Variants in GPR174 observed in about 807,000 individuals in gnomAD.
GPR174 encodes the protein G protein-coupled receptor 174, also known as probable G protein-coupled receptor 174.
GPR174 carries 8 observed loss-of-function variants against 16.5 expected under a neutral mutation model. The ratio of observed to expected loss-of-function variants is 0.48; its 90% CI spans 0.28 to 0.87. GPR174 has a LOEUF of 0.87. GPR174 is among the 40% of genes least tolerant of loss of function. The pLI is 0.09. For missense variants in GPR174, 214 were observed against 247.5 expected (o/e 0.86, Z 0.91); for synonymous variants, 111 against 94.8 (o/e 1.17, Z -0.99).
At position 79,173,768 on chromosome X, in the gene GPR174, T is replaced by A. The variant is rs901800629; in HGVS notation, c.*1759T>A. 8.9e-6 allele frequency: 1 copy of A among 112,574 alleles called. No homozygotes were observed. Among genetic ancestry groups the A allele is most frequent in the Non-Finnish European group, 1.9e-5 (1 of 53,300 alleles). 9.3% of individuals were successfully genotyped at this position (112,574 alleles called of 1,213,427 possible). On this transcript the variant is annotated 3_prime_UTR_variant, in exon 3 of 3. Transcript: ENST00000645147. ...GTGTATCTATGTGTCTCCTAACTAA[T>A]CATTGTAAGGTATATGTTTTGATGT...
At chrX:79,160,547 T>C (rs1333632895) in intron 2 of GPR174, among the ~76,000 whole-genome samples, 1 of 111,879 alleles carries the variant, frequency 8.9e-6, no homozygotes, top group Non-Finnish European at 1.9e-5. Flanking sequence ...AGGATGTGTT[T>C]CTTGGGTAAC....
intron 1 of GPR174, among the ~76,000 whole-genome samples, chrX:79,150,812 A>G (rs1264746945): frequency 4.5e-5 from 5 of 111,687 alleles, no homozygotes; most frequent in Admixed American, 3.8e-4. Flanking sequence ...GCCTTTTCCT[A>G]TTCCCACATC....
chrX:79,150,705 A>G (rs1926584774), intron 1 of GPR174, among the ~76,000 whole-genome samples: 1 of 111,728 alleles, frequency 9.0e-6, no homozygotes, highest in Admixed American at 9.5e-5. Context: ...TTTAGATTGT[A>G]ACAATTTATT....
At chrX:79,152,596 C>T (rs1926623538) in intron 1 of GPR174, among the ~76,000 whole-genome samples, 1 of 111,775 alleles carries the variant, frequency 8.9e-6, no homozygotes, top group Admixed American at 9.5e-5. Flanking sequence ...CCTCCTCTGT[C>T]TGTGCTCCCT....
intron 2 of GPR174, among the ~76,000 whole-genome samples, chrX:79,158,454 T>G (rs941741134): frequency 9.7e-6 from 1 of 102,982 alleles, no homozygotes; most frequent in Non-Finnish European, 2.0e-5. Context: ...TTTTCTTTTT[T>G]TTTTTTTTGA....
intron 1 of GPR174, among the ~76,000 whole-genome samples, chrX:79,151,136 C>T (rs927641059): frequency 4.5e-5 from 5 of 111,137 alleles, no homozygotes; most frequent in African/African-American, 9.8e-5. Context: ...GTTTTTTGAG[C>T]TTATCTACTA....
rs1346984675 is a variant in GPR174, at chrX:79,156,839, G to A, written c.-636G>A. 1 of 111,837 alleles carries A rather than the reference G, an allele frequency of 8.9e-6. No homozygotes were observed. Among genetic ancestry groups the A allele is most frequent in the African/African-American group, 3.3e-5 (1 of 30,745 alleles). The allele number at this position is 111,837 out of a possible 1,213,427, so 9.2% of individuals were successfully genotyped here. A position where few individuals can be genotyped will look rare whatever the true frequency, so the allele number is the denominator to read the frequency against. On this transcript the variant is annotated 5_prime_UTR_variant, in exon 2 of 3. In the 5' UTR this introduces an upstream ATG that the reference lacks. Coordinates refer to ENST00000645147, the MANE Select transcript of GPR174 (RefSeq NM_032553.3). ...TTTTCAAGGCATGAATGAATTAATC[G>A]TGCCAGATTCTCCAACACTTCCTCA... is the stretch of plus-strand genomic sequence containing the variant.
In GPR174 at chrX:79,171,744, A is replaced by G; in HGVS notation, c.737A>G (p.Tyr246Cys). ...AGVFLICFAP[Y>C]HFSFPLDFLV... ...GTATTCCTAATTTGCTTTGCACCTT[A>G]TCATTTCAGTTTTCCTTTAGATTTC... The change falls in exon 3 of 3, where the codon TAT (tyrosine) becomes TGT (cysteine). Residue 246 changes from tyrosine (Y) to cysteine (C), a missense_variant. By Grantham distance (194) the Tyr-to-Cys change is radical. Coordinates refer to ENST00000645147, the MANE Select transcript of GPR174 (RefSeq NM_032553.3). 1 of 1,211,492 alleles carries G rather than the reference A, an allele frequency of 8.3e-7. No homozygotes were observed. The highest frequency in any genetic ancestry group is 1.1e-6 in the Non-Finnish European group (1 of 895,406).
At chrX:79,166,355 T>A (rs1226367811) in intron 2 of GPR174, among the ~76,000 whole-genome samples, 1 of 108,688 alleles carries the variant, frequency 9.2e-6, no homozygotes, top group Non-Finnish European at 1.9e-5. Context: ...GTCAACAAAA[T>A]GGAGCTGTAT....
intron 1 of GPR174, among the ~76,000 whole-genome samples, chrX:79,153,248 T>TCA (rs1440257050): frequency 9.0e-6 from 1 of 111,718 alleles, no homozygotes. Flanking sequence ...TTCTGTTGTG[T>TCA]CACTTCTGCT....
chrX:79,156,196 G>A (rs1449837580), intron 1 of GPR174, among the ~76,000 whole-genome samples: 1 of 111,897 alleles, frequency 8.9e-6, no homozygotes, highest in African/African-American at 3.3e-5. Context: ...ACAAGCTTGG[G>A]CAAGTGATCA....
chrX:79,155,495 G>A (rs1466596166), intron 1 of GPR174, among the ~76,000 whole-genome samples: 1 of 111,608 alleles, frequency 9.0e-6, no homozygotes, highest in African/African-American at 3.3e-5. Flanking sequence ...GAGTTTTAAT[G>A]TGTCTAGTAC....
At chrX:79,149,821 G>GTTT (rs34575264) in intron 1 of GPR174, among the ~76,000 whole-genome samples, 1,814 of 82,039 alleles carry the variant, frequency 0.022, 46 homozygotes, top group African/African-American at 0.043. Flanking sequence ...ACCTCCCTCA[G>GTTT]TTTTTTTTTT....
chrX:79,171,872 C>G lies in GPR174; in HGVS notation c.865C>G (p.Pro289Ala). The change falls in exon 3 of 3, where the codon CCA becomes GCA. Residue 289 changes from proline to alanine, a missense_variant. By Grantham distance (27) the Pro-to-Ala change is conservative. Transcript: ENST00000645147. ...CLASLNSCLD[P>A]VIYYFSTNEF... ...TGCTAGTCTGAATTCATGTCTTGAC[C>G]CAGTCATATACTACTTTTCCACTAA... The G allele has an allele frequency of 8.3e-7, 1 of 1,210,771 alleles. No individual in the cohort carries two copies. Among genetic ancestry groups the G allele is most frequent in the Non-Finnish European group, 1.1e-6 (1 of 895,182 alleles).
intron 1 of GPR174, among the ~76,000 whole-genome samples, chrX:79,154,598 T>A (rs1056443956): frequency 3.6e-5 from 4 of 111,099 alleles, no homozygotes; most frequent in African/African-American, 1.3e-4. Flanking sequence ...ACACAGGGAT[T>A]CTTTGTATAT....
rs1168433337 is a variant in GPR174 at position 79,175,244 on chromosome X, C to T, written c.*3235C>T. On this transcript the variant is annotated 3_prime_UTR_variant, in exon 3 of 3. Transcript: ENST00000645147. ...CCCAAGATACTGTGAAAATGTTGCA[C>T]TTGGAATTTATTTATGGCTATAACT... 4 of 111,432 alleles carry T rather than the reference C, an allele frequency of 3.6e-5. No individual in the cohort carries two copies. Among genetic ancestry groups the T allele is most frequent in the Non-Finnish European group, 7.5e-5 (4 of 53,051 alleles). 9.2% of individuals were successfully genotyped at this position (111,432 alleles called of 1,213,427 possible). A position where few individuals can be genotyped will look rare whatever the true frequency, so the allele number is the denominator to read the frequency against.
At chrX:79,146,491 A>G (rs1277816144) in intron 1 of GPR174, among the ~76,000 whole-genome samples, 3 of 112,174 alleles carry the variant, frequency 2.7e-5, no homozygotes, top group Non-Finnish European at 5.6e-5. Flanking sequence ...CACCCACGGC[A>G]AGATTATACC....
rs894262409 is a variant in GPR174 at position 79,172,614 on chromosome X, C to T, written c.*605C>T. 2 of 112,044 alleles carry T rather than the reference C, an allele frequency of 1.8e-5. No homozygotes were observed. Among genetic ancestry groups the T allele is most frequent in the Non-Finnish European group, 3.8e-5 (2 of 53,245 alleles). The allele number at this position is 112,044 out of a possible 1,213,427, so 9.2% of individuals were successfully genotyped here. On this transcript the variant is annotated 3_prime_UTR_variant, in exon 3 of 3. Transcript: ENST00000645147. Reference sequence around the variant, plus strand: ...TCAACATGAAACATCATTTGTCACACCTGTTCACAGAATGAAAATCTGAAC... The same window carrying T: ...TCAACATGAAACATCATTTGTCACATCTGTTCACAGAATGAAAATCTGAAC...
chrX:79,149,716 A>G (rs1042346502), intron 1 of GPR174, among the ~76,000 whole-genome samples: 13 of 110,882 alleles, frequency 1.2e-4, no homozygotes, highest in African/African-American at 3.9e-4. Flanking sequence ...GACCCAAGTT[A>G]TCCTGAGTGA....
Sources: gnomAD v4.1 joint callset for allele counts (sites outside exome capture counted in the v4.1 genomes callset) on GRCh38, gnomAD v4.1.1 for gene constraint, MANE v1.5 for transcripts, NCBI Gene and HGNC (gene_info 2026-07-23, HGNC 2026-07-21) for gene names.